KMT2B: variants seen among roughly 807,000 people sequenced by gnomAD.
The protein encoded by KMT2B is histone-lysine N-methyltransferase 2B.
In KMT2B, 22 loss-of-function variants were observed where a neutral mutation model predicts 255.3. That is an observed-to-expected ratio of 0.09 (90% confidence interval 0.06 to 0.12). KMT2B has a LOEUF of 0.12. Among genes scored for constraint, KMT2B ranks in the 10% least tolerant of loss-of-function variants. The pLI, the probability that KMT2B is intolerant of heterozygous loss-of-function variation, is 1.00. For synonymous variants in KMT2B, 1,730 were observed against 1,498.1 expected (o/e 1.15, Z -3.57); for missense variants, 3,149 against 3,737.0 (o/e 0.84, Z 4.10).
chr19:35,725,315 C>T lies in KMT2B; in HGVS notation c.3624C>T (p.Ala1208=), dbSNP rs748500748. The change falls in exon 11 of 37, where the codon GCC becomes GCT. Residue 1208 remains alanine (A), a synonymous_variant. Coordinates refer to ENST00000420124, the MANE Select transcript of KMT2B (RefSeq NM_014727.3). The surrounding 1 kb of genome is among the most constrained non-coding windows in gnomAD (Gnocchi z 4.1). ...GGPPMVCLLC[A]SKGLHELVFC... ...CCCCGATGGTGTGCTTGCTGTGTGC[C>T]AGCAAAGGACTCCACGAGGTTAGAT... The T allele has an allele frequency of 1.3e-6, 2 of 1,566,694 alleles. No homozygotes were observed. Among genetic ancestry groups the T allele is most frequent in the Non-Finnish European group, 1.7e-6 (2 of 1,156,294 alleles).
In KMT2B at chr19:35,718,300, A is replaced by ACGGGGTCGGGGC. The variant is rs1969035211; in HGVS notation, c.288_299dup (p.Arg97_Gly100dup). On this transcript the variant is annotated inframe_insertion, in exon 1 of 37. Coordinates refer to ENST00000420124, the MANE Select transcript of KMT2B (RefSeq NM_014727.3). This position sits in a 1 kb window ranked among gnomAD's most constrained non-coding sequence, Gnocchi z 5.0. ...GCCCGCGGGTCCAGCGGGGCCGGGGACGGGGTCGGGGCCGGGGCTGGGGCC... is the reference window on the plus strand; with the variant it reads ...GCCCGCGGGTCCAGCGGGGCCGGGGACGGGGTCGGGGCCGGGGTCGGGGCCGGGGCTGGGGCC... 2 of 1,228,780 alleles carry ACGGGGTCGGGGC rather than the reference A, an allele frequency of 1.6e-6. No individual in the cohort carries two copies. Among genetic ancestry groups the ACGGGGTCGGGGC allele is most frequent in the East Asian group, 3.3e-5 (1 of 30,534 alleles). 76.1% of individuals were successfully genotyped at this position (1,228,780 alleles called of 1,614,324 possible). A position where few individuals can be genotyped will look rare whatever the true frequency, so the allele number is the denominator to read the frequency against.
rs1394833942 is a variant in KMT2B, at chr19:35,727,931, G to C, written c.4443G>C (p.Glu1481Asp). The C allele has an allele frequency of 6.3e-7, 1 of 1,598,982 alleles. No individual in the cohort carries two copies. Among genetic ancestry groups the C allele is most frequent in the African/African-American group, 1.3e-5 (1 of 74,728 alleles). The stretch of plus-strand genomic sequence containing the variant: ...GCATCCTCATGCGGCACTCGGAGGA[G>C]GGAGAGACCCCGGACCGCCGGGCTG... ...MVGILMRHSE[E>D]GETPDRRAGG... Residue 1481 changes from glutamate (E) to aspartate (D), a missense_variant, in exon 18 of 37, where the codon GAG becomes GAC. Transcript: ENST00000420124. The surrounding 1 kb of genome is among the most constrained non-coding windows in gnomAD (Gnocchi z 4.2).
At position 35,722,543 on chromosome 19, in the gene KMT2B, A is replaced by G. The variant is rs1179922242; in HGVS notation, c.2572-25A>G. ...GGGGCTGCGGGAGCGCAAGCTGCCC[A>G]CACACACTCCGATTTCTCCCCCAGG... On this transcript the variant is annotated intron_variant, in intron 4 of 36. Transcript: ENST00000420124. The G allele has an allele frequency of 1.3e-6, 2 of 1,596,074 alleles. 1 individual carries two copies. Among genetic ancestry groups the G allele is most frequent in the Middle Eastern group, 3.3e-4 (2 of 6,018 alleles).
rs1969497199 is a variant in KMT2B at position 35,727,322 on chromosome 19, C to T, written c.4117+53C>T. 3 of 1,573,842 alleles carry T rather than the reference C, an allele frequency of 1.9e-6. No individual in the cohort carries two copies. The East Asian group carries it at 6.7e-5, about 35-fold the overall frequency. On this transcript the variant is annotated intron_variant, in intron 15 of 36. Coordinates refer to ENST00000420124, the MANE Select transcript of KMT2B (RefSeq NM_014727.3). The surrounding 1 kb of genome is among the most constrained non-coding windows in gnomAD (Gnocchi z 4.2). ...GCCTCAACCCTGTGGGGACCCCTGC[C>T]CCCACCACAGGCCCCAAGAGGACTG... is the stretch of plus-strand genomic sequence containing the variant.
At chr19:35,728,720 C>A (rs1969565418) in intron 19 of KMT2B, 54 bp from the exon 20 acceptor site, 9 of 1,405,216 alleles carry the variant, frequency 6.4e-6, no homozygotes, top group Non-Finnish European at 9.0e-6. Context: ...TGGATGGGCC[C>A]CCGTTCAGCT....
rs60207923 is a variant in KMT2B at position 35,719,862 on chromosome 19, C to T, written c.515C>T (p.Thr172Ile). The T allele has an allele frequency of 2.5e-4, 401 of 1,612,928 alleles. 2 individuals carry two copies. In the African/African-American group the frequency reaches 5.0e-3, roughly 20 times the overall value. ...CCTCGCCTAGCAGATGTGGCTCCTA[C>T]CCCCCCAAAGACCCCTGCCCGGAAA... is the stretch of plus-strand genomic sequence containing the variant. ...PPPRLADVAPTPPKTPARKRG... is the reference protein window; with the variant it reads ...PPPRLADVAPIPPKTPARKRG... The change falls in exon 3 of 37, where the codon ACC becomes ATC. Residue 172 changes from threonine to isoleucine, a missense_variant. Thr to Ile is a moderately conservative substitution (Grantham distance 89, BLOSUM62 -1). Around this residue, in one of 18 missense-constraint regions of KMT2B, gnomAD observed 1,188 missense variants for 1,106.4 expected, o/e 1.07. Coordinates refer to ENST00000420124, the MANE Select transcript of KMT2B (RefSeq NM_014727.3).
Position 35,720,274 on chromosome 19 carries a change from A to G in KMT2B, c.927A>G (p.Ser309=). Reference sequence around the variant, plus strand: ...TCCCCTTTGTGATCAAGTTTGTTTCAAGGGCCAAAAAAGTAAAGATGGGAC... The same window carrying G: ...TCCCCTTTGTGATCAAGTTTGTTTCGAGGGCCAAAAAAGTAAAGATGGGAC... ...GGLPFVIKFV[S]RAKKVKMGQL... Residue 309 remains serine, a synonymous_variant, in exon 3 of 37, where the codon TCA becomes TCG. Transcript: ENST00000420124. 1.2e-6 allele frequency: 2 copies of G among 1,613,224 alleles called. No homozygotes were observed. The highest frequency in any genetic ancestry group is 1.7e-6 in the Non-Finnish European group (2 of 1,179,728).
chr19:35,736,044 C>T (rs1220015387), intron 30 of KMT2B: 1 of 152,598 alleles, frequency 6.6e-6, no homozygotes, highest in Non-Finnish European at 1.5e-5. Flanking sequence ...GCGGGCGGAT[C>T]ACCTGAGGTC....
rs753810629 is a variant in KMT2B at position 35,723,124 on chromosome 19, G to T, written c.2852G>T (p.Arg951Leu). Residue 951 changes from arginine to leucine, a missense_variant, in exon 6 of 37, where the codon CGC becomes CTC. Transcript: ENST00000420124. The surrounding 1 kb of genome is among the most constrained non-coding windows in gnomAD (Gnocchi z 7.5). Reference sequence around the variant, plus strand: ...GGGACCCTGGCCCACACACCCCGGCGCTCACTGCCCTCCCATCACGGCAAG... The same window carrying T: ...GGGACCCTGGCCCACACACCCCGGCTCTCACTGCCCTCCCATCACGGCAAG... The part of the protein sequence containing the change: ...SGGTLAHTPR[R>L]SLPSHHGKKM... The T allele has an allele frequency of 4.3e-6, 7 of 1,613,228 alleles. No individual in the cohort carries two copies. Among genetic ancestry groups the T allele is most frequent in the Non-Finnish European group, 5.9e-6 (7 of 1,179,838 alleles).
In KMT2B at chr19:35,730,375, C is replaced by T; in HGVS notation, c.5110C>T (p.Arg1704Cys). 1 of 1,613,362 alleles carries T rather than the reference C, an allele frequency of 6.2e-7. No homozygotes were observed. The highest frequency in any genetic ancestry group is 8.5e-7 in the Non-Finnish European group (1 of 1,179,346). Residue 1704 changes from arginine to cysteine, a missense_variant, in exon 24 of 37, where the codon CGC becomes TGC. This residue lies in a region of KMT2B where 58 missense variants were observed against 96.9 expected (regional missense o/e 0.60). Coordinates refer to ENST00000420124, the MANE Select transcript of KMT2B (RefSeq NM_014727.3). ...GAACCCCGATGGTTTTGATGTTCTC[C>T]GCCGAGTCTATGTGGACTTCGAGGG... is the stretch of plus-strand genomic sequence containing the variant. ...IVNPDGFDVL[R>C]RVYVDFEGIN...
chr19:35,732,497 T>C lies in KMT2B; in HGVS notation c.5948T>C (p.Val1983Ala). The change falls in exon 28 of 37, where the codon GTG becomes GCG. Residue 1983 changes from valine to alanine, a missense_variant. Val to Ala is a moderately conservative substitution (Grantham distance 64, BLOSUM62 0). Coordinates refer to ENST00000420124, the MANE Select transcript of KMT2B (RefSeq NM_014727.3). ...LGPDFEDMEV[V>A]SGLSAADLDF... ...CCAGACTTCGAGGACATGGAGGTGGTGTCAGGACTGAGTGCTGCTGACCTG... is the reference window on the plus strand; with the variant it reads ...CCAGACTTCGAGGACATGGAGGTGGCGTCAGGACTGAGTGCTGCTGACCTG... 1.2e-6 allele frequency: 2 copies of C among 1,613,878 alleles called. No homozygotes were observed. The highest frequency in any genetic ancestry group is 1.3e-5 in the African/African-American group (1 of 75,034).
chr19:35,726,400 G>A (rs1303232762), intron 14 of KMT2B, 47 bp downstream of exon 14: 4 of 1,290,882 alleles, frequency 3.1e-6, no homozygotes, highest in Non-Finnish European at 4.5e-6. Context: ...ACAGGGGAAT[G>A]GCCAGGCTCT....
Position 35,723,049 on chromosome 19 carries a change from A to T in KMT2B, c.2777A>T (p.Lys926Met), listed in dbSNP as rs377686118. 1 of 1,611,834 alleles carries T rather than the reference A, an allele frequency of 6.2e-7. No individual in the cohort carries two copies. Among genetic ancestry groups the T allele is most frequent in the African/African-American group, 1.3e-5 (1 of 74,812 alleles). ...ESVPSRSRRG[K>M]VEAAGPGGES... ...GTCCCGTCACGGTCCCGGCGGGGAA[A>T]GGTGGAGGCAGCAGGCCCTGGGGGA... Residue 926 changes from lysine to methionine, a missense_variant, in exon 6 of 37, where the codon AAG becomes ATG. Lys to Met is a moderately conservative substitution (Grantham distance 95). This residue lies in a region of KMT2B where 132 missense variants were observed against 174.7 expected (regional missense o/e 0.76). Transcript: ENST00000420124. This position sits in a 1 kb window ranked among gnomAD's most constrained non-coding sequence, Gnocchi z 7.5.
At chr19:35,734,466 G>A (rs749149904) in intron 30 of KMT2B, among the ~76,000 whole-genome samples, 1 of 152,210 alleles carries the variant, frequency 6.6e-6, no homozygotes, top group Non-Finnish European at 1.5e-5. Context: ...AGGATCGGGA[G>A]CGGGAGGTGG....
At position 35,733,432 on chromosome 19, in the gene KMT2B, T is replaced by A. The variant is rs1367759005; in HGVS notation, c.6883T>A (p.Tyr2295Asn). 7 of 1,555,166 alleles carry A rather than the reference T, an allele frequency of 4.5e-6. No homozygotes were observed. The African/African-American group carries it at 6.9e-5, about 15-fold the overall frequency. ...CCGGTCCCCGCCAGCACCTCCCCCA[T>A]ACAAAGCCCCCCGGCTGGATGAAGA... ...SGRSPPAPPP[Y>N]KAPRLDEDGE... The change falls in exon 28 of 37, where the codon TAC (tyrosine) becomes AAC (asparagine). Residue 2295 changes from tyrosine (Y) to asparagine (N), a missense_variant. Around this residue, in one of 18 missense-constraint regions of KMT2B, gnomAD observed 897 missense variants for 825.3 expected, o/e 1.09. Transcript: ENST00000420124. The surrounding 1 kb of genome is among the most constrained non-coding windows in gnomAD (Gnocchi z 4.3).
chr19:35,725,189 C>T lies in KMT2B; in HGVS notation c.3529-31C>T. The T allele has an allele frequency of 1.3e-6, 2 of 1,599,054 alleles. No individual in the cohort carries two copies. The highest frequency in any genetic ancestry group is 1.1e-5 in the South Asian group (1 of 90,692). On this transcript the variant is annotated intron_variant, in intron 10 of 36. Coordinates refer to ENST00000420124, the MANE Select transcript of KMT2B (RefSeq NM_014727.3). This position sits in a 1 kb window ranked among gnomAD's most constrained non-coding sequence, Gnocchi z 4.1. Reference sequence around the variant, plus strand: ...TGGGTCTGCCTTGTATGCCTGGCGGCCCTCTGATCCTGCATCCTCTCTTCC... The same window carrying T: ...TGGGTCTGCCTTGTATGCCTGGCGGTCCTCTGATCCTGCATCCTCTCTTCC...
At chr19:35,729,816 C>T in intron 22 of KMT2B, 151 bp from the exon 23 acceptor site, 2 of 686,944 alleles carry the variant, frequency 2.9e-6, no homozygotes, top group Non-Finnish European at 4.8e-6. Flanking sequence ...TGGTGTGCAC[C>T]TGGGCCTGGA....
intron 26 of KMT2B, 144 bp downstream of exon 26, chr19:35,731,011 C>T: frequency 2.0e-6 from 2 of 984,180 alleles, no homozygotes; most frequent in Non-Finnish European, 2.9e-6. Context: ...CGCTTACTGC[C>T]ATGCCTTGTG....
rs1969269161 is a variant in KMT2B, at chr19:35,722,669, T to C, written c.2673T>C (p.Pro891=). 1.2e-6 allele frequency: 2 copies of C among 1,612,520 alleles called. No homozygotes were observed. The highest frequency in any genetic ancestry group is 1.7e-6 in the Non-Finnish European group (2 of 1,179,490). ...QARAMVPEDV[P]RLSALPLRDR... Reference sequence around the variant, plus strand: ...GGGCCATGGTGCCTGAAGATGTCCCTCGCCTCAGTGCCCTCCCTCTCCGGG... The same window carrying C: ...GGGCCATGGTGCCTGAAGATGTCCCCCGCCTCAGTGCCCTCCCTCTCCGGG... The change falls in exon 5 of 37, where the codon CCT becomes CCC. Residue 891 remains proline, a synonymous_variant. Coordinates refer to ENST00000420124, the MANE Select transcript of KMT2B (RefSeq NM_014727.3).
Sources: gnomAD v4.1 joint callset for allele counts (sites outside exome capture counted in the v4.1 genomes callset) on GRCh38, gnomAD v4.1.1 for gene constraint, gnomAD v4.1.1 regional missense constraint, Gnocchi (gnomAD v3.1) non-coding constraint, MANE v1.5 for transcripts, NCBI Gene and HGNC (gene_info 2026-07-23, HGNC 2026-07-21) for gene names.